TCF12: variants seen among roughly 807,000 people sequenced by gnomAD.
TCF12 encodes transcription factor 12.
A neutral mutation model predicts 86.0 loss-of-function variants in TCF12; 45 were observed. The observed-to-expected ratio is 0.52, with a 90% CI of 0.41 to 0.67. The LOEUF (loss-of-function observed/expected upper bound fraction) is 0.67, where lower values mean the gene tolerates loss of function less well. TCF12 is among the 30% of genes least tolerant of loss of function. The probability of loss-of-function intolerance (pLI) is 0.00; values close to 1 mark genes in which losing one functional copy is unlikely to be tolerated. For missense variants in TCF12, 881 were observed against 859.9 expected (o/e 1.02, Z -0.31); for synonymous variants, 330 against 299.6 (o/e 1.10, Z -1.05).
chr15:57,160,029 AT>A (rs1208043942), intron 5 of TCF12, among the ~76,000 whole-genome samples: 1 of 152,206 alleles, frequency 6.6e-6, no homozygotes, highest in Non-Finnish European at 1.5e-5. Context: ...ATTATTTTCT[AT>A]TGATAACAAC....
At chr15:57,018,868 C>G (rs1408511355) in intron 3 of TCF12, among the ~76,000 whole-genome samples, 2 of 152,136 alleles carry the variant, frequency 1.3e-5, no homozygotes, top group Non-Finnish European at 2.9e-5. Context: ...GTTGATGAGC[C>G]ACGCTAACTA....
intron 5 of TCF12, among the ~76,000 whole-genome samples, chr15:57,153,918 C>A (rs1475496052): frequency 6.6e-6 from 1 of 151,200 alleles, no homozygotes; most frequent in Non-Finnish European, 1.5e-5. Context: ...GGATCTCAGC[C>A]CAAGAGTTCA....
chr15:57,114,078 G>A (rs1331201220), intron 5 of TCF12, among the ~76,000 whole-genome samples: 1 of 152,132 alleles, frequency 6.6e-6, no homozygotes, highest in African/African-American at 2.4e-5. Flanking sequence ...TCAATTTTGA[G>A]AACCATATAT....
intron 5 of TCF12, among the ~76,000 whole-genome samples, chr15:57,099,685 A>G (rs1213079351): frequency 6.6e-6 from 1 of 152,106 alleles, no homozygotes; most frequent in Non-Finnish European, 1.5e-5. Flanking sequence ...GTGACTTTAT[A>G]TTTGATTAAA....
At chr15:57,060,867 G>C (rs754122774) in intron 3 of TCF12, among the ~76,000 whole-genome samples, 21 of 152,062 alleles carry the variant, frequency 1.4e-4, no homozygotes, top group Non-Finnish European at 2.8e-4. Context: ...TATTATTCCT[G>C]TCATATTTCT....
chr15:57,228,734 A>G (rs1377947023), intron 8 of TCF12, among the ~76,000 whole-genome samples: 1 of 148,132 alleles, frequency 6.8e-6, no homozygotes, highest in African/African-American at 2.4e-5. Flanking sequence ...ACCATTTTCA[A>G]AATTTAAAAA....
intron 3 of TCF12, among the ~76,000 whole-genome samples, chr15:56,997,013 A>G (rs762467360): frequency 6.6e-6 from 1 of 152,156 alleles, no homozygotes; most frequent in Non-Finnish European, 1.5e-5. Context: ...AACACATAAC[A>G]CTATTGGTGG....
chr15:57,147,111 C>G (rs1375512970), intron 5 of TCF12, among the ~76,000 whole-genome samples: 1 of 152,100 alleles, frequency 6.6e-6, no homozygotes, highest in African/African-American at 2.4e-5. Context: ...ACATAAGGGC[C>G]TTCCAAAGCA....
intron 3 of TCF12, among the ~76,000 whole-genome samples, chr15:56,999,070 C>G (rs1373239150): frequency 6.6e-6 from 1 of 151,708 alleles, no homozygotes; most frequent in Non-Finnish European, 1.5e-5. Flanking sequence ...TGGTGGCGGG[C>G]GCCTGTAGTC....
chr15:57,211,955 TACACACACACGCACACACACACACCAC>T (rs1372835802), intron 8 of TCF12, among the ~76,000 whole-genome samples: 10 of 96,694 alleles, frequency 1.0e-4, no homozygotes, highest in South Asian at 4.5e-4. Context: ...CTTTGAGACA[TACACACACACGCACACACACACACCAC>T]ACACACACAC....
chr15:56,959,149 A>T (rs1021687041), intron 3 of TCF12, among the ~76,000 whole-genome samples: 1 of 152,154 alleles, frequency 6.6e-6, no homozygotes, highest in East Asian at 1.9e-4. Flanking sequence ...CTTAGGTCCA[A>T]CACAGTGTCT....
intron 3 of TCF12, among the ~76,000 whole-genome samples, chr15:56,995,553 T>TA (rs2063671955): frequency 6.6e-6 from 1 of 152,136 alleles, no homozygotes; most frequent in African/African-American, 2.4e-5. Context: ...TATTCCTAGA[T>TA]ATTTTATTTT....
intron 3 of TCF12, among the ~76,000 whole-genome samples, chr15:56,976,287 G>A (rs1406593380): frequency 3.1e-5 from 4 of 130,986 alleles, no homozygotes; most frequent in Admixed American, 9.2e-5. Context: ...CTAGCGTGCC[G>A]TGGTGCAATT....
At chr15:57,009,732 A>G (rs2064704496) in intron 3 of TCF12, among the ~76,000 whole-genome samples, 1 of 152,168 alleles carries the variant, frequency 6.6e-6, no homozygotes, top group Non-Finnish European at 1.5e-5. Flanking sequence ...TAATTTCTCA[A>G]CTCAAATTTA....
intron 3 of TCF12, among the ~76,000 whole-genome samples, chr15:56,992,538 C>A (rs1284569590): frequency 6.6e-6 from 1 of 152,158 alleles, no homozygotes; most frequent in African/African-American, 2.4e-5. Flanking sequence ...CTTACCTAAT[C>A]ACCTGTAAAT....
chr15:57,125,526 A>C (rs1464229495), intron 5 of TCF12, among the ~76,000 whole-genome samples: 1 of 152,264 alleles, frequency 6.6e-6, no homozygotes, highest in African/African-American at 2.4e-5. Flanking sequence ...ATTACATATT[A>C]GCCTTTAAAC....
intron 9 of TCF12, among the ~76,000 whole-genome samples, chr15:57,231,739 G>C (rs1315786048): frequency 2.0e-5 from 3 of 152,090 alleles, no homozygotes; most frequent in African/African-American, 7.2e-5. Flanking sequence ...TGGACTATGG[G>C]AAACAAATAT....
At chr15:56,986,409 G>A (rs1192902438) in intron 3 of TCF12, among the ~76,000 whole-genome samples, 1 of 151,958 alleles carries the variant, frequency 6.6e-6, no homozygotes, top group Non-Finnish European at 1.5e-5. Flanking sequence ...AGGCTTTTAT[G>A]TATGATCTGT....
intron 2 of TCF12, among the ~76,000 whole-genome samples, chr15:56,920,585 G>T (rs1387532062): frequency 6.6e-6 from 1 of 151,226 alleles, no homozygotes; most frequent in Non-Finnish European, 1.5e-5. Flanking sequence ...ATTTTTAATG[G>T]GTTTAATTCC....
Sources: allele counts gnomAD v4.1 joint callset (sites outside exome capture counted in the v4.1 genomes callset), GRCh38; gene constraint gnomAD v4.1.1; transcripts MANE v1.5; gene names NCBI Gene and HGNC (gene_info 2026-07-23, HGNC 2026-07-21).